MEGF11: variants seen among roughly 807,000 people sequenced by gnomAD.
The protein encoded by MEGF11 is multiple epidermal growth factor-like domains protein 11.
Under a neutral mutation model 146.6 loss-of-function variants are expected in MEGF11, and 126 were observed. The observed-to-expected ratio is 0.86, with a 90% CI of 0.74 to 1.00. The LOEUF (loss-of-function observed/expected upper bound fraction) is 1.00, where lower values mean the gene tolerates loss of function less well. MEGF11 is among the 50% of genes least tolerant of loss of function. The pLI, the probability that MEGF11 is intolerant of heterozygous loss-of-function variation, is 0.00. For synonymous variants in MEGF11, 532 were observed against 583.4 expected, an observed-to-expected ratio of 0.91 and a Z score of 1.27; for missense variants, 1,509 against 1,521.2, an observed-to-expected ratio of 0.99 and a Z score of 0.13.
chr15:66,223,658 G>C (rs2091785231), intron 1 of MEGF11, among the ~76,000 whole-genome samples: 1 of 152,188 alleles, frequency 6.6e-6, no homozygotes, highest in African/African-American at 2.4e-5. Context: ...GGGAGGCAGA[G>C]GCTGCAGTGA....
intron 5 of MEGF11, among the ~76,000 whole-genome samples, chr15:66,079,852 T>C (rs910050422): frequency 6.6e-6 from 1 of 152,126 alleles, no homozygotes; most frequent in African/African-American, 2.4e-5. Context: ...GGGGTCTCCA[T>C]GGGCTGCCCC....
chr15:66,241,169 C>T (rs1177002670), intron 1 of MEGF11, among the ~76,000 whole-genome samples: 3 of 152,184 alleles, frequency 2.0e-5, no homozygotes, highest in Non-Finnish European at 4.4e-5. Flanking sequence ...AGCTGCTCCT[C>T]CTCCCAGGGC....
At chr15:66,035,855 C>T (rs2083705889) in intron 5 of MEGF11, among the ~76,000 whole-genome samples, 1 of 152,244 alleles carries the variant, frequency 6.6e-6, no homozygotes, top group Non-Finnish European at 1.5e-5. Context: ...TATCCACTAT[C>T]AATATATATT....
At chr15:66,078,272 A>G (rs1490779110) in intron 5 of MEGF11, among the ~76,000 whole-genome samples, 2 of 152,380 alleles carry the variant, frequency 1.3e-5, no homozygotes, top group African/African-American at 4.8e-5. Context: ...ATGCTGAAGC[A>G]AGAGCAAAGC....
At chr15:65,936,254 C>T (rs927741490) in intron 10 of MEGF11, among the ~76,000 whole-genome samples, 2 of 152,170 alleles carry the variant, frequency 1.3e-5, no homozygotes, top group African/African-American at 4.8e-5. Flanking sequence ...GCATACATAG[C>T]AACCTTCATC....
chr15:66,239,698 T>C (rs12324047), intron 1 of MEGF11, among the ~76,000 whole-genome samples: 47,724 of 152,030 alleles, frequency 0.31, 7,733 homozygotes, highest in Middle Eastern at 0.42. Context: ...CAGAGCAGCT[T>C]CCGTACCAGG....
intron 1 of MEGF11, among the ~76,000 whole-genome samples, chr15:66,201,071 A>G (rs1244621873): frequency 6.6e-6 from 1 of 152,128 alleles, no homozygotes; most frequent in East Asian, 1.9e-4. Flanking sequence ...CATGTGACTC[A>G]GGATCATAAG....
chr15:65,925,677 C>G lies in MEGF11; in HGVS notation c.1676-2708G>C, dbSNP rs1296914747. On this transcript the variant is annotated intron_variant, in intron 13 of 25. Transcript: ENST00000395614. ...CTTTCCTTTCTTACTCTAGGGAACCCCCTTGCTTTATTTTTCAGGACTCCT... is the reference window on the plus strand; with the variant it reads ...CTTTCCTTTCTTACTCTAGGGAACCGCCTTGCTTTATTTTTCAGGACTCCT... Among the ~76,000 whole-genome samples the G allele has an allele frequency of 2.6e-5, 4 of 152,224 alleles. No homozygotes were observed. The East Asian group carries it at 5.8e-4, about 22-fold the overall frequency.
intron 5 of MEGF11, among the ~76,000 whole-genome samples, chr15:66,039,527 T>C (rs912887937): frequency 5.9e-5 from 9 of 152,206 alleles, no homozygotes; most frequent in African/African-American, 2.2e-4. Flanking sequence ...TTCTCCCTAC[T>C]TTACAGACAG....
At chr15:66,132,117 C>T (rs1034766649) in intron 1 of MEGF11, among the ~76,000 whole-genome samples, 4 of 152,226 alleles carry the variant, frequency 2.6e-5, no homozygotes, top group East Asian at 3.8e-4. Flanking sequence ...CGGCCTGGAT[C>T]GGCTTTGCTG....
At chr15:66,172,846 C>T (rs569353470) in intron 1 of MEGF11, among the ~76,000 whole-genome samples, 23 of 152,334 alleles carry the variant, frequency 1.5e-4, no homozygotes, top group African/African-American at 5.3e-4. Flanking sequence ...CCCTAGGTCA[C>T]ACGCAGTCAC....
chr15:66,205,204 A>T (rs994457765), intron 1 of MEGF11, among the ~76,000 whole-genome samples: 15 of 151,982 alleles, frequency 9.9e-5, no homozygotes, highest in African/African-American at 4.8e-5. Flanking sequence ...TCTTTGGGAG[A>T]CTGAGGCAGG....
At chr15:66,144,619 C>T (rs1955278153) in intron 1 of MEGF11, among the ~76,000 whole-genome samples, 1 of 152,098 alleles carries the variant, frequency 6.6e-6, no homozygotes, top group African/African-American at 2.4e-5. Context: ...GCCCACTGAC[C>T]CCTCCCCTTA....
In MEGF11 at chr15:65,897,102, T is replaced by A. The variant is rs1018418898; in HGVS notation, c.*832A>T. 1 of 152,222 alleles carries A rather than the reference T, an allele frequency of 6.6e-6. No individual in the cohort carries two copies. The highest frequency in any genetic ancestry group is 1.5e-5 in the Non-Finnish European group (1 of 68,038). The allele number at this position is 152,222 out of a possible 1,614,324, so 9.4% of individuals were successfully genotyped here. On this transcript the variant is annotated 3_prime_UTR_variant, in exon 26 of 26. Coordinates refer to ENST00000395614, the MANE Select transcript of MEGF11 (RefSeq NM_001385028.1). ...ATGACTGCTTGCTTAAAGGATCATC[T>A]TAGAGCTCTGTTTTACATGGAATGA...
intron 9 of MEGF11, among the ~76,000 whole-genome samples, chr15:65,963,503 A>G (rs918708805): frequency 6.6e-6 from 1 of 151,200 alleles, no homozygotes; most frequent in South Asian, 2.1e-4. Flanking sequence ...TATACAATCA[A>G]TGGTATGTCA....
rs531122351 is a variant in MEGF11 at position 66,211,382 on chromosome 15, A to G, written c.-9+42223T>C. 5.9e-4 allele frequency among the ~76,000 whole-genome samples: 89 copies of G among 152,126 alleles called. 1 individual carries two copies. The highest frequency in any genetic ancestry group is 9.3e-4 in the Non-Finnish European group (63 of 67,978). ...ACTAAAAATACAAAAAAATTAGCCG[A>G]GCATGGTGGCAGGCACCTGTAGTCC... On this transcript the variant is annotated intron_variant, in intron 1 of 25. Coordinates refer to ENST00000395614, the MANE Select transcript of MEGF11 (RefSeq NM_001385028.1).
At chr15:66,092,961 A>AT (rs2086381632) in intron 5 of MEGF11, among the ~76,000 whole-genome samples, 1 of 152,228 alleles carries the variant, frequency 6.6e-6, no homozygotes, top group African/African-American at 2.4e-5. Context: ...AAGCCCAGAC[A>AT]TTTTACCCAG....
At chr15:66,074,290 ACTTG>A (rs1337205656) in intron 5 of MEGF11, among the ~76,000 whole-genome samples, 3 of 152,232 alleles carry the variant, frequency 2.0e-5, no homozygotes, top group Non-Finnish European at 4.4e-5. Context: ...GCCCTCTGCA[ACTTG>A]CTTTTTTCAC....
At chr15:66,211,253 G>A (rs1346432038) in intron 1 of MEGF11, among the ~76,000 whole-genome samples, 1 of 152,218 alleles carries the variant, frequency 6.6e-6, no homozygotes, top group Non-Finnish European at 1.5e-5. Flanking sequence ...GCCGGGCTTG[G>A]TGGCTCACGC....
Sources: allele counts gnomAD v4.1 joint callset (sites outside exome capture counted in the v4.1 genomes callset), GRCh38; gene constraint gnomAD v4.1.1; transcripts MANE v1.5; gene names NCBI Gene and HGNC (gene_info 2026-07-23, HGNC 2026-07-21).